The following FOXJ3 variants were observed in gnomAD, a reference collection of about 807,000 sequenced individuals.
FOXJ3 encodes forkhead box J3, also known as forkhead box protein J3.
Under a neutral mutation model 76.1 loss-of-function variants are expected in FOXJ3, and 22 were observed. The observed-to-expected ratio is 0.29, with a 90% CI of 0.21 to 0.41. FOXJ3 has a LOEUF of 0.41. Ranked by LOEUF, FOXJ3 falls within the 10% of genes least tolerant of loss-of-function variation. The pLI is 1.00. For synonymous variants in FOXJ3, 269 were observed against 261.2 expected, an observed-to-expected ratio of 1.03 and a Z score of -0.29; for missense variants, 613 against 762.1, an observed-to-expected ratio of 0.80 and a Z score of 2.30.
At chr1:42,200,659 T>C (rs551567482) in intron 6 of FOXJ3, among the ~76,000 whole-genome samples, 10 of 152,238 alleles carry the variant, frequency 6.6e-5, no homozygotes, top group African/African-American at 2.4e-4. Flanking sequence ...TTGTTATTTT[T>C]AGTAGAGACG....
chr1:42,316,497 C>T (rs1655120486), intron 1 of FOXJ3, among the ~76,000 whole-genome samples: 1 of 151,910 alleles, frequency 6.6e-6, no homozygotes, highest in South Asian at 2.1e-4. Context: ...TCTCTCCCCT[C>T]TCCCACCTAC....
At chr1:42,269,931 A>T (rs1651746867) in intron 3 of FOXJ3, among the ~76,000 whole-genome samples, 1 of 152,034 alleles carries the variant, frequency 6.6e-6, no homozygotes, top group South Asian at 2.1e-4. Context: ...TGCTTCCATC[A>T]TTCTCCACCC....
At chr1:42,302,171 G>A (rs1055006805) in intron 2 of FOXJ3, among the ~76,000 whole-genome samples, 17 of 152,204 alleles carry the variant, frequency 1.1e-4, no homozygotes, top group African/African-American at 4.1e-4. Flanking sequence ...TGTGGGGCCA[G>A]GGTGGTGGAG....
At chr1:42,234,809 C>T (rs570545587) in intron 4 of FOXJ3, among the ~76,000 whole-genome samples, 1 of 152,206 alleles carries the variant, frequency 6.6e-6, no homozygotes, top group South Asian at 2.1e-4. Flanking sequence ...TGTGCTCCTA[C>T]TGGGGGGTGC....
chr1:42,212,980 A>AAAAAAAAAG, intron 5 of FOXJ3, among the ~76,000 whole-genome samples: 1 of 151,206 alleles, frequency 6.6e-6, no homozygotes, highest in Non-Finnish European at 1.5e-5. Context: ...AACAAAAAAA[A>AAAAAAAAAG]AACTAAGTTT....
At chr1:42,186,813 C>T (rs573950972) in intron 11 of FOXJ3, among the ~76,000 whole-genome samples, 1 of 152,272 alleles carries the variant, frequency 6.6e-6, no homozygotes, top group African/African-American at 2.4e-5. Flanking sequence ...ATGAGAGCTG[C>T]TGCCTAACAT....
intron 2 of FOXJ3, among the ~76,000 whole-genome samples, chr1:42,286,198 G>C (rs6692712): frequency 0.15 from 23,437 of 152,180 alleles, 2,114 homozygotes; most frequent in South Asian, 0.24. Context: ...TTTTAGGTTT[G>C]TAAATGAAGA....
intron 5 of FOXJ3, among the ~76,000 whole-genome samples, chr1:42,216,391 G>A (rs1323734432): frequency 1.3e-5 from 2 of 151,684 alleles, no homozygotes; most frequent in African/African-American, 4.8e-5. Context: ...GGTAGCGGGC[G>A]CCTGTAGTCC....
At chr1:42,199,273 T>G (rs1245233178) in intron 6 of FOXJ3, 43 bp from the exon 7 acceptor site, 1 of 1,546,228 alleles carries the variant, frequency 6.5e-7, no homozygotes, top group African/African-American at 1.4e-5. Context: ...ATAAGGGTAC[T>G]TCTTAAGCAA....
intron 2 of FOXJ3, among the ~76,000 whole-genome samples, chr1:42,302,314 TG>T (rs1309255249): frequency 6.6e-6 from 1 of 152,212 alleles, no homozygotes; most frequent in Non-Finnish European, 1.5e-5. Context: ...CCATTGTAGA[TG>T]GGTATATATG....
At chr1:42,296,643 T>C (rs1200489542) in intron 2 of FOXJ3, among the ~76,000 whole-genome samples, 1 of 152,242 alleles carries the variant, frequency 6.6e-6, no homozygotes, top group African/African-American at 2.4e-5. Context: ...TTCTAGGCTC[T>C]CTATTCTGTT....
intron 2 of FOXJ3, among the ~76,000 whole-genome samples, chr1:42,291,342 T>C (rs1653425803): frequency 1.3e-5 from 2 of 152,194 alleles, no homozygotes; most frequent in South Asian, 4.1e-4. Context: ...AAATATTTCT[T>C]AGATATGACA....
chr1:42,334,644 G>C (rs1293791307), intron 1 of FOXJ3, among the ~76,000 whole-genome samples: 1 of 152,232 alleles, frequency 6.6e-6, no homozygotes, highest in East Asian at 1.9e-4. Context: ...CAAGCTTAAA[G>C]GGAAGAAGCC....
intron 1 of FOXJ3, among the ~76,000 whole-genome samples, chr1:42,320,302 T>A (rs1156931718): frequency 1.3e-5 from 2 of 152,128 alleles, no homozygotes. Flanking sequence ...TGTAAACAGA[T>A]CACAGGCCAC....
At chr1:42,317,514 T>TAAAAAAAAAAAAAAAAAAAAAAAAA (rs11365048) in intron 1 of FOXJ3, among the ~76,000 whole-genome samples, 1 of 106,398 alleles carries the variant, frequency 9.4e-6, no homozygotes, top group African/African-American at 3.4e-5. Flanking sequence ...AGAGAAACCA[T>TAAAAAAAAAAAAAAAAAAAAAAAAA]AAAAAAAAAA....
At chr1:42,305,258 T>C (rs1461405419) in intron 2 of FOXJ3, among the ~76,000 whole-genome samples, 3 of 152,040 alleles carry the variant, frequency 2.0e-5, no homozygotes, top group Admixed American at 1.3e-4. Flanking sequence ...CTGGAGAGGA[T>C]GTGGGGAAAA....
intron 4 of FOXJ3, among the ~76,000 whole-genome samples, chr1:42,234,071 C>G (rs1484514836): frequency 2.6e-5 from 4 of 152,202 alleles, no homozygotes; most frequent in Non-Finnish European, 5.9e-5. Flanking sequence ...CACATAGTCC[C>G]ATATTTCTTG....
chr1:42,310,608 T>C (rs1044036549), intron 2 of FOXJ3, among the ~76,000 whole-genome samples: 1 of 151,738 alleles, frequency 6.6e-6, no homozygotes, highest in Non-Finnish European at 1.5e-5. Context: ...CCACCACACC[T>C]GGCTAATTAT....
intron 1 of FOXJ3, among the ~76,000 whole-genome samples, chr1:42,324,046 A>G (rs1002227469): frequency 9.0e-6 from 1 of 110,732 alleles, no homozygotes; most frequent in African/African-American, 3.5e-5. Context: ...CACTATATAT[A>G]GTATATACAC....
Sources: gnomAD v4.1 joint callset for allele counts (sites outside exome capture counted in the v4.1 genomes callset) on GRCh38, gnomAD v4.1.1 for gene constraint, MANE v1.5 for transcripts, NCBI Gene and HGNC (gene_info 2026-07-23, HGNC 2026-07-21) for gene names.